ATP10A: variants seen among roughly 807,000 people sequenced by gnomAD.
ATP10A encodes ATPase phospholipid transporting 10A (putative), also known as phospholipid-transporting ATPase VA.
A neutral mutation model predicts 147.8 loss-of-function variants in ATP10A; 111 were observed. The observed-to-expected ratio is 0.75, with a 90% CI of 0.64 to 0.88. The LOEUF is 0.88. ATP10A is among the 40% of genes least tolerant of loss of function. The pLI is 0.00. For missense variants in ATP10A, 1,927 were observed against 1,959.0 expected (o/e 0.98, Z 0.31); for synonymous variants, 875 against 841.6 (o/e 1.04, Z -0.69).
chr15:25,683,241 G>A (rs370009661), intron 17 of ATP10A, 45 bp downstream of exon 17: 3 of 1,575,640 alleles, frequency 1.9e-6, no homozygotes, highest in African/African-American at 1.4e-5. Flanking sequence ...GAACGTGGAG[G>A]GCAGAGCTCA....
chr15:25,804,781 A>G (rs888415383), intron 1 of ATP10A, among the ~76,000 whole-genome samples: 7 of 152,360 alleles, frequency 4.6e-5, no homozygotes, highest in African/African-American at 1.4e-4. Flanking sequence ...CTTCCAGCAC[A>G]AAGTAGGCCT....
rs758664936 is a variant in ATP10A at position 25,780,891 on chromosome 15, C to G, written c.654+128G>C. 11 of 1,014,872 alleles carry G rather than the reference C, an allele frequency of 1.1e-5. No individual in the cohort carries two copies. In the African/African-American group the frequency reaches 1.3e-4, roughly 12 times the overall value. 62.9% of individuals were successfully genotyped at this position (1,014,872 alleles called of 1,614,324 possible). On this transcript the variant is annotated intron_variant, in intron 2 of 20. Transcript: ENST00000555815. The stretch of plus-strand genomic sequence containing the variant: ...AGGGGTCCTCTCAGACCCTCAGACT[C>G]GTCTACTAGGAAAAACAGCCTGGTC...
Position 25,679,498 on chromosome 15 carries a change from C to A in ATP10A, c.4343G>T (p.Ser1448Ile). 1.2e-6 allele frequency: 2 copies of A among 1,613,858 alleles called. No homozygotes were observed. Among genetic ancestry groups the A allele is most frequent in the African/African-American group, 2.7e-5 (2 of 75,060 alleles). The change falls in exon 21 of 21, where the codon AGC (serine) becomes ATC (isoleucine). Residue 1448 changes from serine to isoleucine, a missense_variant. Coordinates refer to ENST00000555815, the MANE Select transcript of ATP10A (RefSeq NM_024490.4). Reference protein sequence around the residue: ...LNWISSWSLVSRLGSVLQFSR... With the variant: ...LNWISSWSLVIRLGSVLQFSR... Reference sequence around the variant, plus strand: ...GAACTGTAAGACACTCCCCAGCCTGCTGACCAGCGACCAGGAGGAAATCCA... The same window carrying A: ...GAACTGTAAGACACTCCCCAGCCTGATGACCAGCGACCAGGAGGAAATCCA...
intron 15 of ATP10A, among the ~76,000 whole-genome samples, chr15:25,688,392 G>C (rs968588898): frequency 6.6e-6 from 1 of 152,174 alleles, no homozygotes; most frequent in Non-Finnish European, 1.5e-5. Context: ...GGTGCGGGCA[G>C]TGGCCGTGTG....
chr15:25,778,129 G>C (rs774748065), intron 2 of ATP10A, among the ~76,000 whole-genome samples: 1 of 151,950 alleles, frequency 6.6e-6, no homozygotes, highest in Non-Finnish European at 1.5e-5. Flanking sequence ...GACACAGCCC[G>C]CTCTTCTCCT....
At position 25,862,728 on chromosome 15, in the gene ATP10A, G is replaced by A. The variant is rs1439266802; in HGVS notation, c.369C>T (p.Ala123=). The change falls in exon 1 of 21, where the codon GCC becomes GCT. Residue 123 remains alanine, a synonymous_variant. Coordinates refer to ENST00000555815, the MANE Select transcript of ATP10A (RefSeq NM_024490.4). ...TGTAGTCCTCCCACAGGTCCCTGAA[G>A]GCCGTGATGGCCAGGATGAAGAGCA... is the stretch of plus-strand genomic sequence containing the variant. ...APVLFILAIT[A]FRDLWEDYSR... is the part of the protein sequence containing the mutation. 6.2e-7 allele frequency: 1 copy of A among 1,612,322 alleles called. No individual in the cohort carries two copies. The highest frequency in any genetic ancestry group is 2.2e-5 in the East Asian group (1 of 44,778).
intron 12 of ATP10A, 141 bp downstream of exon 12, chr15:25,707,835 C>G: frequency 1.6e-6 from 2 of 1,214,344 alleles, no homozygotes; most frequent in Non-Finnish European, 2.3e-6. Flanking sequence ...CCTCCCGCCT[C>G]GGCTGTGCCA....
chr15:25,716,820 C>A lies in ATP10A; in HGVS notation c.1686G>T (p.Ser562=), dbSNP rs138320664. ...AATCAAAGACGTCAGACAGCTCAGG[C>A]GAGAGGTGGGCCAGCAGGTGCTCCT... is the stretch of plus-strand genomic sequence containing the variant. ...RHQEHLLAHL[S]PELSDVFDFF... is the part of the protein sequence containing the mutation. The change falls in exon 9 of 21, where the codon TCG becomes TCT. Residue 562 remains serine, a synonymous_variant. Transcript: ENST00000555815. 2.8e-3 allele frequency: 4,446 copies of A among 1,610,866 alleles called. 10 individuals carry two copies. Among genetic ancestry groups the A allele is most frequent in the Non-Finnish European group, 3.3e-3 (3,877 of 1,178,652 alleles).
At chr15:25,727,083 A>G in intron 4 of ATP10A, 77 bp downstream of exon 4, 4 of 1,167,044 alleles carry the variant, frequency 3.4e-6, no homozygotes, top group Non-Finnish European at 5.0e-6. Context: ...AAGAAAAAAG[A>G]AAAGAAAACA....
At chr15:25,747,952 A>G (rs751035939) in intron 2 of ATP10A, among the ~76,000 whole-genome samples, 2 of 152,170 alleles carry the variant, frequency 1.3e-5, no homozygotes, top group Non-Finnish European at 2.9e-5. Context: ...TATCTTATTT[A>G]GGCAAAAATT....
intron 2 of ATP10A, among the ~76,000 whole-genome samples, chr15:25,768,880 G>A (rs893317925): frequency 1.3e-5 from 2 of 151,982 alleles, no homozygotes; most frequent in Admixed American, 6.6e-5. Flanking sequence ...CTTTTATAAT[G>A]TTAAACAAGC....
At chr15:25,838,007 A>C (rs1159834000) in intron 1 of ATP10A, among the ~76,000 whole-genome samples, 1 of 152,254 alleles carries the variant, frequency 6.6e-6, no homozygotes, top group Non-Finnish European at 1.5e-5. Flanking sequence ...GCTAGTTTGC[A>C]CAGATTAATG....
At chr15:25,773,853 TATTC>T (rs1889471320) in intron 2 of ATP10A, among the ~76,000 whole-genome samples, 2 of 141,280 alleles carry the variant, frequency 1.4e-5, no homozygotes, top group African/African-American at 5.3e-5. Context: ...CACACACACA[TATTC>T]ACTCACTCAT....
intron 1 of ATP10A, among the ~76,000 whole-genome samples, chr15:25,846,190 G>A (rs1206923719): frequency 1.3e-5 from 2 of 152,136 alleles, no homozygotes; most frequent in Non-Finnish European, 2.9e-5. Context: ...CGGGCACAAA[G>A]TTTCCGTTTG....
At chr15:25,846,242 C>G (rs930669340) in intron 1 of ATP10A, among the ~76,000 whole-genome samples, 2 of 152,082 alleles carry the variant, frequency 1.3e-5, no homozygotes, top group Non-Finnish European at 2.9e-5. Flanking sequence ...CGGTGATGCT[C>G]ACAACAATGT....
At chr15:25,806,078 G>A (rs890455373) in intron 1 of ATP10A, among the ~76,000 whole-genome samples, 4 of 152,122 alleles carry the variant, frequency 2.6e-5, no homozygotes, top group Admixed American at 2.6e-4. Context: ...ACATGAAACA[G>A]CCACAATTAC....
chr15:25,674,230 GC>G (rs1457250647), downstream of ATP10A, among the ~76,000 whole-genome samples: 1 of 152,348 alleles, frequency 6.6e-6, no homozygotes, highest in African/African-American at 2.4e-5. Flanking sequence ...AGCCACCCAT[GC>G]ACCGTGGGGT....
At chr15:25,837,673 C>T (rs1484488050) in intron 1 of ATP10A, among the ~76,000 whole-genome samples, 1 of 152,318 alleles carries the variant, frequency 6.6e-6, no homozygotes. Context: ...GAACGAGCGC[C>T]ACTGGGTAAT....
In ATP10A at chr15:25,733,175, G is replaced by A. The variant is rs558528906; in HGVS notation, c.740+2881C>T. The stretch of plus-strand genomic sequence containing the variant: ...GGCTCTGTGGTGTGAAGGAGGTTAC[G>A]GGGCAGCAGCTGCCTCATGGAGGCT... On this transcript the variant is annotated intron_variant, in intron 3 of 20. Coordinates refer to ENST00000555815, the MANE Select transcript of ATP10A (RefSeq NM_024490.4). 1.5e-3 allele frequency among the ~76,000 whole-genome samples: 231 copies of A among 152,264 alleles called. 1 individual carries two copies. Among genetic ancestry groups the A allele is most frequent in the African/African-American group, 5.4e-3 (224 of 41,568 alleles).
Sources: allele counts gnomAD v4.1 joint callset (sites outside exome capture counted in the v4.1 genomes callset), GRCh38; gene constraint gnomAD v4.1.1; transcripts MANE v1.5; gene names NCBI Gene and HGNC (gene_info 2026-07-23, HGNC 2026-07-21).